ST8SIA2: variants seen among roughly 807,000 people sequenced by gnomAD.
The protein encoded by ST8SIA2 is alpha-2,8-sialyltransferase 8B.
ST8SIA2 carries 22 observed loss-of-function variants against 37.6 expected under a neutral mutation model. The observed-to-expected ratio is 0.58, with a 90% CI of 0.42 to 0.83. The LOEUF (loss-of-function observed/expected upper bound fraction) is 0.83. Among genes scored for constraint, ST8SIA2 ranks in the 40% least tolerant of loss-of-function variants. The pLI is 0.00. For missense variants in ST8SIA2, 382 were observed against 484.7 expected (o/e 0.79, Z 1.99); for synonymous variants, 205 against 201.2 (o/e 1.02, Z -0.16).
intron 5 of ST8SIA2, among the ~76,000 whole-genome samples, chr15:92,448,229 G>A (rs2049856228): frequency 6.6e-6 from 1 of 152,210 alleles, no homozygotes; most frequent in Non-Finnish European, 1.5e-5. Context: ...CTTTTAGCAG[G>A]GGGAGAAGAA....
At chr15:92,431,373 C>T (rs2049714559) in intron 2 of ST8SIA2, among the ~76,000 whole-genome samples, 1 of 152,220 alleles carries the variant, frequency 6.6e-6, no homozygotes, top group South Asian at 2.1e-4. Flanking sequence ...TGAGCCTTGG[C>T]TTCCCCATTT....
At chr15:92,402,019 C>G (rs961750180) in intron 1 of ST8SIA2, among the ~76,000 whole-genome samples, 5 of 151,574 alleles carry the variant, frequency 3.3e-5, no homozygotes, top group Non-Finnish European at 1.5e-5. Flanking sequence ...GTTCCTTTTT[C>G]CTTTGGGATA....
At chr15:92,399,597 AT>A (rs547866904) in intron 1 of ST8SIA2, among the ~76,000 whole-genome samples, 4 of 150,186 alleles carry the variant, frequency 2.7e-5, no homozygotes, top group Non-Finnish European at 4.5e-5. Context: ...AACACGATGC[AT>A]TTTTTTTTAA....
rs182163911 is a variant in ST8SIA2 at position 92,453,059 on chromosome 15, T to A, written c.842+8130T>A. 7.3e-4 allele frequency among the ~76,000 whole-genome samples: 111 copies of A among 152,160 alleles called. 1 individual carries two copies. The highest frequency in any genetic ancestry group is 1.4e-3 in the Non-Finnish European group (93 of 67,998). On this transcript the variant is annotated intron_variant, in intron 5 of 5. Transcript: ENST00000268164. ...GGCAGTGAGCAGAGAAAGGGGAGCA[T>A]GTTTCTGAAACCCAAGCAGAAGGCC...
intron 1 of ST8SIA2, among the ~76,000 whole-genome samples, chr15:92,418,401 A>G (rs1193876143): frequency 2.1e-5 from 3 of 144,426 alleles, no homozygotes; most frequent in African/African-American, 7.7e-5. Context: ...AGTCGAGGCT[A>G]TGGTGAGCCA....
intron 5 of ST8SIA2, among the ~76,000 whole-genome samples, chr15:92,456,549 G>A (rs568781596): frequency 1.5e-3 from 221 of 152,302 alleles, no homozygotes; most frequent in African/African-American, 5.2e-3. Context: ...GCTTGATAGG[G>A]GAAGAACAAC....
At chr15:92,439,621 A>G (rs932303881) in intron 4 of ST8SIA2, among the ~76,000 whole-genome samples, 1 of 152,182 alleles carries the variant, frequency 6.6e-6, no homozygotes, top group Non-Finnish European at 1.5e-5. Context: ...ACCTTGGGAC[A>G]TGGGAAGAAA....
intron 1 of ST8SIA2, among the ~76,000 whole-genome samples, chr15:92,394,646 G>T (rs907227236): frequency 2.6e-5 from 4 of 152,168 alleles, no homozygotes; most frequent in Non-Finnish European, 5.9e-5. Context: ...AGCGGAGGGC[G>T]GGGTTCTGCA....
intron 1 of ST8SIA2, among the ~76,000 whole-genome samples, chr15:92,400,752 C>G (rs2049464226): frequency 6.6e-6 from 1 of 152,258 alleles, no homozygotes; most frequent in African/African-American, 2.4e-5. Context: ...GCTGAGGCTG[C>G]CCCCTCCTGC....
At position 92,441,833 on chromosome 15, in the gene ST8SIA2, CAG is replaced by C. The variant is rs772787678; in HGVS notation, c.549-2796_549-2795del. Among the ~76,000 whole-genome samples the C allele has an allele frequency of 4.6e-5, 7 of 152,282 alleles. No individual in the cohort carries two copies. The East Asian group carries it at 1.4e-3, about 29-fold the overall frequency. On this transcript the variant is annotated intron_variant, in intron 4 of 5. Coordinates refer to ENST00000268164, the MANE Select transcript of ST8SIA2 (RefSeq NM_006011.4). ...TGGCTTTGCAGTGAGGAAATTGAGG[CAG>C]AGAGAGGCAAATGCCACACAGCTAG...
intron 3 of ST8SIA2, among the ~76,000 whole-genome samples, chr15:92,437,686 T>C (rs898246365): frequency 1.3e-5 from 2 of 151,700 alleles, no homozygotes; most frequent in Non-Finnish European, 2.9e-5. Context: ...CGTCACAGTA[T>C]CCATCCCCCC....
At chr15:92,414,131 G>A (rs1484774955) in intron 1 of ST8SIA2, among the ~76,000 whole-genome samples, 1 of 152,220 alleles carries the variant, frequency 6.6e-6, no homozygotes, top group African/African-American at 2.4e-5. Flanking sequence ...CAGCCTGAAC[G>A]TCCTGATGGA....
intron 1 of ST8SIA2, among the ~76,000 whole-genome samples, chr15:92,410,666 C>T (rs935294834): frequency 2.6e-5 from 4 of 152,204 alleles, no homozygotes; most frequent in African/African-American, 7.2e-5. Flanking sequence ...TTCATTATCA[C>T]CAACAAACAT....
At chr15:92,414,408 CAT>C (rs1252258430) in intron 1 of ST8SIA2, among the ~76,000 whole-genome samples, 2 of 152,222 alleles carry the variant, frequency 1.3e-5, no homozygotes, top group African/African-American at 2.4e-5. Context: ...AGTTTTGACT[CAT>C]CTCAGGTTCT....
intron 4 of ST8SIA2, among the ~76,000 whole-genome samples, chr15:92,438,889 T>C (rs1007898880): frequency 5.9e-5 from 9 of 152,014 alleles, no homozygotes; most frequent in Admixed American, 3.9e-4. Flanking sequence ...ACAGCCAAGG[T>C]TGAGAATCAC....
Position 92,399,539 on chromosome 15 carries a change from CT to C in ST8SIA2, c.98+5379del, listed in dbSNP as rs200150992. 3.3e-4 allele frequency among the ~76,000 whole-genome samples: 51 copies of C among 152,316 alleles called. No homozygotes were observed. In the East Asian group the frequency reaches 8.3e-3, roughly 25 times the overall value. The stretch of plus-strand genomic sequence containing the variant: ...GCACGTGGATGGGAAAGAAAATGAC[CT>C]TGAGCAGTTGCAGTCCAGGCACTCT... On this transcript the variant is annotated intron_variant, in intron 1 of 5. Transcript: ENST00000268164.
intron 1 of ST8SIA2, among the ~76,000 whole-genome samples, chr15:92,423,935 T>TGTA (rs2049655567): frequency 1.3e-5 from 2 of 152,250 alleles, no homozygotes. Flanking sequence ...CAGCCCTGGT[T>TGTA]GTAGTCATGT....
At position 92,444,693 on chromosome 15, in the gene ST8SIA2, G is replaced by T. The variant is rs749938197; in HGVS notation, c.606G>T (p.Leu202=). Residue 202 remains leucine, a synonymous_variant, in exon 5 of 6, where the codon CTG becomes CTT. Coordinates refer to ENST00000268164, the MANE Select transcript of ST8SIA2 (RefSeq NM_006011.4). Reference sequence around the variant, plus strand: ...GGGATGTGGGGCTCAAGACAGACCTGGTAACCATGAACCCCTCGGTCATCC... The same window carrying T: ...GGGATGTGGGGCTCAAGACAGACCTTGTAACCATGAACCCCTCGGTCATCC... ...YARDVGLKTD[L]VTMNPSVIQR... is the part of the protein sequence containing the mutation. The T allele has an allele frequency of 6.2e-7, 1 of 1,614,266 alleles. No homozygotes were observed. Among genetic ancestry groups the T allele is most frequent in the South Asian group, 1.1e-5 (1 of 91,092 alleles).
In ST8SIA2 at chr15:92,405,736, G is replaced by T. The variant is rs182447072; in HGVS notation, c.98+11574G>T. Among the ~76,000 whole-genome samples the T allele has an allele frequency of 5.3e-5, 8 of 152,196 alleles. 1 individual carries two copies. Among genetic ancestry groups the T allele is most frequent in the African/African-American group, 1.4e-4 (6 of 41,446 alleles). On this transcript the variant is annotated intron_variant, in intron 1 of 5. Transcript: ENST00000268164. ...GAAAAATACAAATCATCACTTTGTT[G>T]TATGTTTGGATACACAAGCTGGAGG... is the stretch of plus-strand genomic sequence containing the variant.
Sources: gnomAD v4.1 joint callset for allele counts (sites outside exome capture counted in the v4.1 genomes callset) on GRCh38, gnomAD v4.1.1 for gene constraint, MANE v1.5 for transcripts, NCBI Gene and HGNC (gene_info 2026-07-23, HGNC 2026-07-21) for gene names.